Variants in ESRRG observed in about 807,000 individuals in gnomAD.
ESRRG encodes the protein estrogen related receptor gamma, also known as estrogen-related receptor gamma.
A neutral mutation model predicts 44.0 loss-of-function variants in ESRRG; 13 were observed. The observed-to-expected ratio is 0.30, with a 90% CI of 0.19 to 0.47. The LOEUF is 0.47. Ranked by LOEUF, ESRRG falls within the 20% of genes least tolerant of loss-of-function variation. The pLI is 1.00. For missense variants in ESRRG, 395 were observed against 580.6 expected (o/e 0.68, Z 3.29); for synonymous variants, 215 against 214.6 (o/e 1.00, Z -0.02).
intron 1 of ESRRG, among the ~76,000 whole-genome samples, chr1:216,706,905 C>T (rs1056690723): frequency 2.0e-5 from 3 of 152,110 alleles, no homozygotes; most frequent in African/African-American, 7.2e-5. Flanking sequence ...TAAAATGCAT[C>T]CACTGAAGAG....
rs527291789 is a variant in ESRRG, at chr1:217,029,897, T to C, written c.-106+59610A>G. Among the ~76,000 whole-genome samples the C allele has an allele frequency of 1.8e-3, 276 of 152,310 alleles. 1 individual carries two copies. Among genetic ancestry groups the C allele is most frequent in the Non-Finnish European group, 3.1e-3 (214 of 68,020 alleles). On this transcript the variant is annotated intron_variant, in intron 1 of 7. Transcript: ENST00000359162. ...GGGTTTGAGGTTACTTATAAAGCAATGAAACGCTCTTTCTTCCATTTGCTT... is the reference window on the plus strand; with the variant it reads ...GGGTTTGAGGTTACTTATAAAGCAACGAAACGCTCTTTCTTCCATTTGCTT...
At chr1:216,514,789 T>G (rs888066207) in intron 6 of ESRRG, among the ~76,000 whole-genome samples, 3 of 152,158 alleles carry the variant, frequency 2.0e-5, no homozygotes, top group Non-Finnish European at 4.4e-5. Flanking sequence ...ACAGGCATGT[T>G]GTGGGAATCA....
chr1:216,972,688 C>G (rs1242111862), intron 1 of ESRRG, among the ~76,000 whole-genome samples: 1 of 152,188 alleles, frequency 6.6e-6, no homozygotes, highest in African/African-American at 2.4e-5. Context: ...AGTGTCTGCT[C>G]TGCCAATGAC....
intron 3 of ESRRG, among the ~76,000 whole-genome samples, chr1:216,579,410 G>A (rs1025145866): frequency 2.3e-4 from 35 of 152,056 alleles, no homozygotes; most frequent in African/African-American, 8.0e-4. Context: ...TTTTGTCAAA[G>A]AAATTAACAG....
chr1:217,070,161 G>A (rs1443419918), intron 1 of ESRRG, among the ~76,000 whole-genome samples: 1 of 152,106 alleles, frequency 6.6e-6, no homozygotes, highest in Non-Finnish European at 1.5e-5. Context: ...AAGTTGAGGT[G>A]ATCTTAGGGA....
chr1:216,544,893 T>A lies in ESRRG; in HGVS notation c.862+19326A>T, dbSNP rs2054014086. On this transcript the variant is annotated intron_variant, in intron 5 of 6. Coordinates refer to ENST00000408911, the MANE Select transcript of ESRRG (RefSeq NM_001438.4). ...AAAAATTTCTGCATAAAACTATGGT[T>A]TTATGGGTGTTTTTCTCTTAAATGA... is the stretch of plus-strand genomic sequence containing the variant. 5.3e-5 allele frequency among the ~76,000 whole-genome samples: 8 copies of A among 152,154 alleles called. No individual in the cohort carries two copies. The South Asian group carries it at 1.7e-3, about 32-fold the overall frequency.
chr1:217,056,415 T>C (rs941509143), intron 1 of ESRRG, among the ~76,000 whole-genome samples: 2 of 152,126 alleles, frequency 1.3e-5, no homozygotes, highest in African/African-American at 2.4e-5. Context: ...CTCATGTTTA[T>C]TAAAGGAAAG....
At chr1:216,544,667 C>T (rs767270994) in intron 5 of ESRRG, among the ~76,000 whole-genome samples, 11 of 152,064 alleles carry the variant, frequency 7.2e-5, no homozygotes, top group Middle Eastern at 3.4e-3. Flanking sequence ...GTACCTAGAA[C>T]GAGTTTCAAG....
At chr1:216,916,615 GTTCCTCTT>G (rs915701717) in intron 2 of ESRRG, among the ~76,000 whole-genome samples, 1 of 152,108 alleles carries the variant, frequency 6.6e-6, no homozygotes, top group Non-Finnish European at 1.5e-5. Flanking sequence ...CCACTGCTGT[GTTCCTCTT>G]TTCCTCTAAA....
At chr1:216,974,741 T>C (rs1313821081) in intron 1 of ESRRG, among the ~76,000 whole-genome samples, 1 of 152,072 alleles carries the variant, frequency 6.6e-6, no homozygotes, top group African/African-American at 2.4e-5. Flanking sequence ...GGCAGAGAAT[T>C]AGCATTTTCA....
chr1:217,054,762 C>G (rs1368872082), intron 1 of ESRRG, among the ~76,000 whole-genome samples: 2 of 145,054 alleles, frequency 1.4e-5, no homozygotes, highest in African/African-American at 5.1e-5. Context: ...GAAGAAAGGT[C>G]AAAAAAAAAA....
intron 1 of ESRRG, among the ~76,000 whole-genome samples, chr1:217,014,417 T>TG (rs1438337313): frequency 6.6e-6 from 1 of 152,190 alleles, no homozygotes; most frequent in Non-Finnish European, 1.5e-5. Context: ...TATCAAAACC[T>TG]GCAATAGTTT....
At chr1:216,551,388 A>G (rs2056297475) in intron 5 of ESRRG, among the ~76,000 whole-genome samples, 1 of 152,168 alleles carries the variant, frequency 6.6e-6, no homozygotes, top group South Asian at 2.1e-4. Context: ...GCTTATTTCC[A>G]TATTCAGATG....
At chr1:217,025,453 C>T (rs2081033466) in intron 1 of ESRRG, among the ~76,000 whole-genome samples, 1 of 152,084 alleles carries the variant, frequency 6.6e-6, no homozygotes, top group African/African-American at 2.4e-5. Context: ...TTGGTTCTAA[C>T]TTCTAGGGTA....
chr1:216,714,248 G>A (rs2084300794), intron 1 of ESRRG, among the ~76,000 whole-genome samples: 1 of 152,052 alleles, frequency 6.6e-6, no homozygotes, highest in Admixed American at 6.6e-5. Context: ...GAATTCAGAG[G>A]GAAAATCAGG....
intron 6 of ESRRG, among the ~76,000 whole-genome samples, chr1:216,510,004 T>C (rs1374680121): frequency 6.6e-6 from 1 of 152,206 alleles, no homozygotes; most frequent in Non-Finnish European, 1.5e-5. Context: ...TTCATGCTGG[T>C]TTCTTTTTAA....
intron 2 of ESRRG, among the ~76,000 whole-genome samples, chr1:216,900,799 A>G (rs569984947): frequency 6.6e-6 from 1 of 152,226 alleles, no homozygotes; most frequent in Non-Finnish European, 1.5e-5. Flanking sequence ...GTATCTTTAA[A>G]TTGCAAAGTG....
At chr1:217,088,050 GAA>G (rs199738951) in intron 1 of ESRRG, among the ~76,000 whole-genome samples, 4 of 143,550 alleles carry the variant, frequency 2.8e-5, no homozygotes, top group East Asian at 2.0e-4. Flanking sequence ...TGCTGGACAG[GAA>G]AAAAAAAAAA....
At chr1:216,924,708 C>G (rs2062293173) in intron 2 of ESRRG, among the ~76,000 whole-genome samples, 3 of 152,134 alleles carry the variant, frequency 2.0e-5, no homozygotes, top group Admixed American at 2.0e-4. Flanking sequence ...AGGCTCATGT[C>G]ATGGCTTTTT....
Sources: allele counts gnomAD v4.1 joint callset (sites outside exome capture counted in the v4.1 genomes callset), GRCh38; gene constraint gnomAD v4.1.1; transcripts MANE v1.5; gene names NCBI Gene and HGNC (gene_info 2026-07-23, HGNC 2026-07-21).